The following CPEB3 variants were observed in gnomAD, a reference collection of about 807,000 sequenced individuals.
The protein encoded by CPEB3 is cytoplasmic polyadenylation element-binding protein 3.
Under a neutral mutation model 67.2 loss-of-function variants are expected in CPEB3, and 20 were observed. That is an observed-to-expected ratio of 0.30 (90% CI 0.21 to 0.43). CPEB3 has a LOEUF of 0.43. Ranked by LOEUF, CPEB3 falls within the 20% of genes least tolerant of loss-of-function variation. CPEB3 has a pLI of 1.00. For missense variants in CPEB3, 746 were observed against 968.6 expected (o/e 0.77, Z 3.05); for synonymous variants, 376 against 393.1 (o/e 0.96, Z 0.51).
intron 9 of CPEB3, among the ~76,000 whole-genome samples, chr10:92,053,030 C>T (rs1333765385): frequency 6.6e-6 from 1 of 152,180 alleles, no homozygotes; most frequent in Non-Finnish European, 1.5e-5. Flanking sequence ...ACCTCAGTGT[C>T]GTAATGACAC....
At chr10:92,226,381 C>T (rs930342022) in intron 2 of CPEB3, among the ~76,000 whole-genome samples, 3 of 152,262 alleles carry the variant, frequency 2.0e-5, no homozygotes, top group East Asian at 3.9e-4. Context: ...TGTCCTAAAA[C>T]GGGAAATGTA....
At position 92,252,902 on chromosome 10, in the gene CPEB3, T is replaced by C. The variant is rs1440740923; in HGVS notation, c.-11-12541A>G. On this transcript the variant is annotated intron_variant, in intron 1 of 9. Transcript: ENST00000265997. ...ATGTCTGATGCAAAAAAGTATATAC[T>C]ATATGCTATATGATTCCACTTAAAG... Among the ~76,000 whole-genome samples the C allele has an allele frequency of 6.6e-5, 10 of 152,082 alleles. No homozygotes were observed. The East Asian group carries it at 1.7e-3, about 26-fold the overall frequency.
chr10:92,236,576 T>A (rs1851542713), intron 2 of CPEB3, among the ~76,000 whole-genome samples: 1 of 152,022 alleles, frequency 6.6e-6, no homozygotes, highest in African/African-American at 2.4e-5. Context: ...GGTGAAACCC[T>A]GCTTCTACTA....
rs117912007 is a variant in CPEB3, at chr10:92,272,469, T to C, written c.-12+18457A>G. 9.4e-3 allele frequency among the ~76,000 whole-genome samples: 1,426 copies of C among 152,324 alleles called. 14 individuals are homozygous for C. Among genetic ancestry groups the C allele is most frequent in the Non-Finnish European group, 0.015 (1,028 of 68,028 alleles). ...CTAATGCCCTCTCATTAGATAGAGT[T>C]AGAAACCATATATAGGCACACATCT... On this transcript the variant is annotated intron_variant, in intron 1 of 9. Transcript: ENST00000265997.
intron 3 of CPEB3, among the ~76,000 whole-genome samples, chr10:92,191,996 G>A (rs1436318267): frequency 1.3e-5 from 2 of 152,158 alleles, no homozygotes; most frequent in African/African-American, 2.4e-5. Flanking sequence ...GTCACTAGCT[G>A]CCCCTAAGCC....
At chr10:92,215,844 G>A (rs1850351922) in intron 2 of CPEB3, among the ~76,000 whole-genome samples, 1 of 149,984 alleles carries the variant, frequency 6.7e-6, no homozygotes, top group South Asian at 2.1e-4. Flanking sequence ...CACCTCCCAG[G>A]TTCAAGCGAT....
chr10:92,242,252 C>T (rs573332657), intron 1 of CPEB3, among the ~76,000 whole-genome samples: 1 of 152,288 alleles, frequency 6.6e-6, no homozygotes, highest in East Asian at 1.9e-4. Flanking sequence ...TCCCTTCAAC[C>T]CCCCCAGGGA....
intron 2 of CPEB3, among the ~76,000 whole-genome samples, chr10:92,207,472 A>G (rs919157377): frequency 1.3e-4 from 20 of 152,212 alleles, no homozygotes; most frequent in Admixed American, 5.2e-4. Flanking sequence ...TTTGTATGTG[A>G]TATCTTTGTG....
chr10:92,220,483 C>T (rs867950743), intron 2 of CPEB3, among the ~76,000 whole-genome samples: 1 of 151,542 alleles, frequency 6.6e-6, no homozygotes, highest in Admixed American at 6.6e-5. Flanking sequence ...AAGCCTTCCC[C>T]ACCCCACCCC....
intron 8 of CPEB3, among the ~76,000 whole-genome samples, chr10:92,088,054 G>T (rs1472672001): frequency 2.6e-5 from 4 of 152,082 alleles, no homozygotes; most frequent in Non-Finnish European, 1.5e-5. Context: ...GCTTGCTATT[G>T]TCACCGATGG....
chr10:92,140,282 A>G (rs1846338560), intron 6 of CPEB3, among the ~76,000 whole-genome samples: 1 of 152,176 alleles, frequency 6.6e-6, no homozygotes, highest in South Asian at 2.1e-4. Flanking sequence ...ACCAAAACAG[A>G]GATATAGATC....
In CPEB3 at chr10:92,162,375, T is replaced by A. The variant is rs75964799; in HGVS notation, c.1223-17290A>T. On this transcript the variant is annotated intron_variant, in intron 4 of 9. Coordinates refer to ENST00000265997, the MANE Select transcript of CPEB3 (RefSeq NM_014912.5). ...TTGTGATACTACATTGAGCAATATA[T>A]TTATTAAATCATAGATACATATATT... is the stretch of plus-strand genomic sequence containing the variant. Among the ~76,000 whole-genome samples the A allele has an allele frequency of 4.5e-4, 69 of 152,210 alleles. No homozygotes were observed. The East Asian group carries it at 0.012, about 27-fold the overall frequency.
intron 4 of CPEB3, among the ~76,000 whole-genome samples, chr10:92,153,930 A>G (rs897039428): frequency 3.3e-5 from 5 of 152,102 alleles, no homozygotes; most frequent in African/African-American, 1.2e-4. Context: ...AAATGACACT[A>G]CCTGGTAGAC....
intron 2 of CPEB3, among the ~76,000 whole-genome samples, chr10:92,196,350 T>C (rs1413093843): frequency 1.3e-5 from 2 of 152,188 alleles, no homozygotes; most frequent in Non-Finnish European, 2.9e-5. Context: ...AGAGAAACAG[T>C]TGGTGGCCTA....
chr10:92,131,978 CAAGTG>C (rs2133723026), intron 6 of CPEB3, among the ~76,000 whole-genome samples: 1 of 152,196 alleles, frequency 6.6e-6, no homozygotes, highest in South Asian at 2.1e-4. Context: ...TAAAAAGAAA[CAAGTG>C]AAGTTAATTT....
chr10:92,054,259 C>T (rs6583800), intron 9 of CPEB3, among the ~76,000 whole-genome samples: 11,284 of 151,686 alleles, frequency 0.074, 1,402 homozygotes, highest in African/African-American at 0.26. Flanking sequence ...CAAGCCTGGC[C>T]TGAGCAGCAT....
At chr10:92,202,817 A>G (rs1849579440) in intron 2 of CPEB3, among the ~76,000 whole-genome samples, 1 of 152,064 alleles carries the variant, frequency 6.6e-6, no homozygotes, top group Admixed American at 6.6e-5. Flanking sequence ...ACTGACACAC[A>G]ATTTAGTCAT....
intron 4 of CPEB3, among the ~76,000 whole-genome samples, chr10:92,157,041 TAAAG>T (rs1847240193): frequency 6.6e-6 from 1 of 152,178 alleles, no homozygotes; most frequent in Non-Finnish European, 1.5e-5. Flanking sequence ...CATTAGCAAA[TAAAG>T]AGCCAAAAGA....
chr10:92,253,580 T>C (rs1003782037), intron 1 of CPEB3, among the ~76,000 whole-genome samples: 1 of 150,840 alleles, frequency 6.6e-6, no homozygotes, highest in Non-Finnish European at 1.5e-5. Context: ...TTTACAAAAA[T>C]ACAAATAGAA....
Sources: gnomAD v4.1 joint callset for allele counts (sites outside exome capture counted in the v4.1 genomes callset) on GRCh38, gnomAD v4.1.1 for gene constraint, MANE v1.5 for transcripts, NCBI Gene and HGNC (gene_info 2026-07-23, HGNC 2026-07-21) for gene names.